Variants in UBN1 observed in about 807,000 individuals in gnomAD.
The protein encoded by UBN1 is ubinuclein 1.
In UBN1, 17 loss-of-function variants were observed where a neutral mutation model predicts 108.5. The ratio of observed to expected loss-of-function variants is 0.16; its 90% CI spans 0.11 to 0.24. The LOEUF (loss-of-function observed/expected upper bound fraction) is 0.24. Ranked by LOEUF, UBN1 falls within the 10% of genes least tolerant of loss-of-function variation. The pLI is 1.00. For missense variants in UBN1, 1,595 were observed against 1,394.4 expected, an observed-to-expected ratio of 1.14 and a Z score of -2.29; for synonymous variants, 726 against 564.2, an observed-to-expected ratio of 1.29 and a Z score of -4.07.
intron 4 of UBN1, 153 bp from the exon 5 acceptor site, chr16:4,858,872 T>C (rs1432381448): frequency 3.6e-6 from 4 of 1,105,436 alleles, no homozygotes; most frequent in Non-Finnish European, 3.9e-6. Flanking sequence ...CCAAAACACC[T>C]TGTAGCTCAG....
Position 4,858,084 on chromosome 16 carries a change from T to A in UBN1, c.336+8T>A. The stretch of plus-strand genomic sequence containing the variant: ...AAATTTGAAGAAAAATACGTAAGAT[T>A]TCTCTCTTGAATAACAAAACAACCT... On this transcript the variant is annotated splice_region_variant and intron_variant, in intron 3 of 17. Transcript: ENST00000262376. The A allele has an allele frequency of 6.3e-7, 1 of 1,597,612 alleles. No individual in the cohort carries two copies. The highest frequency in any genetic ancestry group is 8.6e-7 in the Non-Finnish European group (1 of 1,166,424).
chr16:4,873,302 T>C (rs950394678), intron 14 of UBN1, among the ~76,000 whole-genome samples: 3 of 152,194 alleles, frequency 2.0e-5, no homozygotes, highest in African/African-American at 7.2e-5. Context: ...GGGGTTCATG[T>C]GGGATTAAGT....
chr16:4,849,072 C>A (rs1446371068), intron 1 of UBN1, among the ~76,000 whole-genome samples: 1 of 152,174 alleles, frequency 6.6e-6, no homozygotes, highest in Admixed American at 6.5e-5. Context: ...TGCACTCCAG[C>A]TAGGCGACAG....
rs76188018 is a variant in UBN1, at chr16:4,857,381, G to T, written c.250-609G>T. The stretch of plus-strand genomic sequence containing the variant: ...AAAAAAAAAAAAAATTTTTTTTTTT[G>T]GATTCCTTGCTCACAAAGCTTAAGG... On this transcript the variant is annotated intron_variant, in intron 2 of 17. Coordinates refer to ENST00000262376, the MANE Select transcript of UBN1 (RefSeq NM_001079514.3). Among the ~76,000 whole-genome samples, 1,129 of 144,912 alleles carry T rather than the reference G, an allele frequency of 7.8e-3. 10 individuals are homozygous for T. Among genetic ancestry groups the T allele is most frequent in the African/African-American group, 0.027 (1,061 of 39,042 alleles).
intron 6 of UBN1, 27 bp downstream of exon 6, chr16:4,859,995 G>C: frequency 6.2e-7 from 1 of 1,613,426 alleles, no homozygotes; most frequent in African/African-American, 1.3e-5. Context: ...TCTTTGCTAG[G>C]ATAAAGCCTG....
intron 12 of UBN1, chr16:4,872,428 C>G (rs892870710): frequency 1.9e-6 from 1 of 527,684 alleles, no homozygotes; most frequent in Non-Finnish European, 2.3e-6. Flanking sequence ...TTTGGCTCCC[C>G]AATCCATTGA....
intron 2 of UBN1, among the ~76,000 whole-genome samples, chr16:4,856,130 G>A (rs1238243697): frequency 6.6e-6 from 1 of 152,230 alleles, no homozygotes; most frequent in Non-Finnish European, 1.5e-5. Flanking sequence ...AGAGACAGGA[G>A]CAGGAGTTGG....
Position 4,861,007 on chromosome 16 carries a change from C to G in UBN1, c.1015C>G (p.Leu339Val). The G allele has an allele frequency of 8.1e-6, 13 of 1,614,230 alleles. No individual in the cohort carries two copies. Among genetic ancestry groups the G allele is most frequent in the Non-Finnish European group, 1.1e-5 (13 of 1,180,048 alleles). Reference protein sequence around the residue: ...FRDMDDGSDSLGVGLDQEFRQ... With the variant: ...FRDMDDGSDSVGVGLDQEFRQ... ...AGATATGGATGATGGAAGTGATTCC[C>G]TTGGGGTGGGATTGGACCAGGAATT... Residue 339 changes from leucine (L) to valine (V), a missense_variant, in exon 7 of 18, where the codon CTT becomes GTT. This residue lies in a region of UBN1 where 1,398 missense variants were observed against 1,194.7 expected (regional missense o/e 1.17). Coordinates refer to ENST00000262376, the MANE Select transcript of UBN1 (RefSeq NM_001079514.3).
chr16:4,868,933 GTC>G, intron 8 of UBN1, 30 bp downstream of exon 8: 3 of 1,611,700 alleles, frequency 1.9e-6, no homozygotes, highest in Non-Finnish European at 2.5e-6. Context: ...CTGTCTGTCT[GTC>G]TGTTTCTGCT....
rs1005060106 is a variant in UBN1, at chr16:4,878,318, A to G, written c.3355+844A>G. 1.4e-4 allele frequency among the ~76,000 whole-genome samples: 21 copies of G among 152,080 alleles called. 1 individual carries two copies. The highest frequency in any genetic ancestry group is 8.5e-4 in the Admixed American group (13 of 15,262). On this transcript the variant is annotated intron_variant, in intron 17 of 17. Transcript: ENST00000262376. Reference sequence around the variant, plus strand: ...CCGCTTCAGACATGACCAGGGTGCTACTTGGATAAGGGGAGAGCCGCTCGT... The same window carrying G: ...CCGCTTCAGACATGACCAGGGTGCTGCTTGGATAAGGGGAGAGCCGCTCGT...
At chr16:4,864,278 A>G (rs2087216859) in intron 7 of UBN1, among the ~76,000 whole-genome samples, 1 of 151,898 alleles carries the variant, frequency 6.6e-6, no homozygotes, top group Non-Finnish European at 1.5e-5. Flanking sequence ...ATTCTGCCAC[A>G]GTACATAGCA....
chr16:4,865,407 G>A (rs542207650), intron 7 of UBN1, among the ~76,000 whole-genome samples: 10 of 152,124 alleles, frequency 6.6e-5, no homozygotes, highest in Non-Finnish European at 1.0e-4. Flanking sequence ...TTGGCAGGGC[G>A]CGGTGGCTCA....
At chr16:4,853,593 T>C (rs2086658792) in intron 2 of UBN1, among the ~76,000 whole-genome samples, 1 of 150,694 alleles carries the variant, frequency 6.6e-6, no homozygotes, top group Admixed American at 6.6e-5. Flanking sequence ...AGTCTCGCCC[T>C]GTCGTCCAGG....
chr16:4,861,187 G>C, intron 7 of UBN1, 85 bp downstream of exon 7: 3 of 1,430,366 alleles, frequency 2.1e-6, no homozygotes, highest in Non-Finnish European at 2.8e-6. Context: ...AGCTTGCCCA[G>C]AGAAACTCTT....
Position 4,848,681 on chromosome 16 carries a change from GAC to G in UBN1, c.-40+473_-40+474del, listed in dbSNP as rs948157710. On this transcript the variant is annotated intron_variant, in intron 1 of 17. Coordinates refer to ENST00000262376, the MANE Select transcript of UBN1 (RefSeq NM_001079514.3). Reference sequence around the variant, plus strand: ...TCATTTACTGCGTGTGTATTTTTAAGACAAAGTGATCTTTAAAGCGTATTTAA... The same window carrying G: ...TCATTTACTGCGTGTGTATTTTTAAGAAAGTGATCTTTAAAGCGTATTTAA... Among the ~76,000 whole-genome samples, 5 of 152,198 alleles carry G rather than the reference GAC, an allele frequency of 3.3e-5. No individual in the cohort carries two copies. The East Asian group carries it at 5.8e-4, about 18-fold the overall frequency.
rs537298618 is a variant in UBN1 at position 4,870,164 on chromosome 16, G to T, written c.1182-48G>T. On this transcript the variant is annotated intron_variant, in intron 8 of 17. Transcript: ENST00000262376. ...CACGTACGGTGAGCTGATGAAGACA[G>T]GAGTTGCAGTGAGCTGCAGCCGGTG... is the stretch of plus-strand genomic sequence containing the variant. The T allele has an allele frequency of 8.1e-5, 130 of 1,611,650 alleles. 1 individual carries two copies. In the South Asian group the frequency reaches 1.4e-3, roughly 17 times the overall value.
chr16:4,863,572 C>T (rs1234783436), intron 7 of UBN1, among the ~76,000 whole-genome samples: 1 of 152,136 alleles, frequency 6.6e-6, no homozygotes, highest in Non-Finnish European at 1.5e-5. Context: ...GGGACATTAG[C>T]AGTGTTACGT....
Position 4,859,845 on chromosome 16 carries a change from G to A in UBN1, c.568-20G>A. On this transcript the variant is annotated intron_variant, in intron 5 of 17. Transcript: ENST00000262376. ...CTGAGTTAGGGAGCCGTGTAACTGTGCCTTGTCTTTAATTCTCAGAAGCGG... is the reference window on the plus strand; with the variant it reads ...CTGAGTTAGGGAGCCGTGTAACTGTACCTTGTCTTTAATTCTCAGAAGCGG... The A allele has an allele frequency of 6.2e-7, 1 of 1,613,618 alleles. No individual in the cohort carries two copies. The highest frequency in any genetic ancestry group is 8.5e-7 in the Non-Finnish European group (1 of 1,179,794).
intron 14 of UBN1, 140 bp from the exon 15 acceptor site, chr16:4,874,071 C>G (rs1286299566): frequency 1.8e-6 from 2 of 1,081,704 alleles, no homozygotes; most frequent in African/African-American, 3.1e-5. Flanking sequence ...ACAGCTCCTG[C>G]TCTGTCCCAC....
Sources: gnomAD v4.1 joint callset for allele counts (sites outside exome capture counted in the v4.1 genomes callset) on GRCh38, gnomAD v4.1.1 for gene constraint, gnomAD v4.1.1 regional missense constraint, MANE v1.5 for transcripts, NCBI Gene and HGNC (gene_info 2026-07-23, HGNC 2026-07-21) for gene names.